Variants in PXDNL observed in about 807,000 individuals in gnomAD.
PXDNL encodes probable oxidoreductase PXDNL.
Under a neutral mutation model 150.8 loss-of-function variants are expected in PXDNL, and 145 were observed. The observed-to-expected ratio is 0.96, with a 90% CI of 0.84 to 1.10. The LOEUF (loss-of-function observed/expected upper bound fraction) is 1.10, where lower values mean the gene tolerates loss of function less well. Ranked by LOEUF, PXDNL falls within the 50% of genes least tolerant of loss-of-function variation. PXDNL has a pLI of 0.00. For missense variants in PXDNL, 2,087 were observed against 1,873.9 expected, an observed-to-expected ratio of 1.11 and a Z score of -2.10; for synonymous variants, 757 against 725.7, an observed-to-expected ratio of 1.04 and a Z score of -0.69.
rs747186397 is a variant in PXDNL at position 51,654,803 on chromosome 8, T to C, written c.165-43A>G. On this transcript the variant is annotated intron_variant, in intron 1 of 22. Transcript: ENST00000356297. The stretch of plus-strand genomic sequence containing the variant: ...TGAAGAACGATTATAATATGTTGAC[T>C]GCATTCTGCCATTATTTCCAGAAGC... The C allele has an allele frequency of 2.1e-6, 3 of 1,439,294 alleles. No individual in the cohort carries two copies. The South Asian group carries it at 3.4e-5, about 17-fold the overall frequency. The allele number at this position is 1,439,294 out of a possible 1,614,324, so 89.2% of individuals were successfully genotyped here.
intron 3 of PXDNL, among the ~76,000 whole-genome samples, chr8:51,586,525 A>G (rs76912575): frequency 1.3e-5 from 2 of 152,200 alleles, no homozygotes; most frequent in Non-Finnish European, 2.9e-5. Context: ...GATTGTCATT[A>G]AAACCCAGTG....
chr8:51,687,395 C>T (rs1409227020), intron 1 of PXDNL, among the ~76,000 whole-genome samples: 1 of 152,148 alleles, frequency 6.6e-6, no homozygotes, highest in Non-Finnish European at 1.5e-5. Context: ...AAAATTATGT[C>T]TATAGTCATT....
intron 1 of PXDNL, among the ~76,000 whole-genome samples, chr8:51,664,355 A>G (rs1815336686): frequency 6.6e-6 from 1 of 152,160 alleles, no homozygotes; most frequent in Non-Finnish European, 1.5e-5. Flanking sequence ...AAGTAATAAG[A>G]TTTAACTTTT....
chr8:51,335,064 AC>A (rs1389144299), intron 21 of PXDNL, among the ~76,000 whole-genome samples: 2 of 152,078 alleles, frequency 1.3e-5, no homozygotes, highest in African/African-American at 4.8e-5. Context: ...ATCTACATTT[AC>A]TTGTTTAATG....
At chr8:51,392,507 A>C (rs1807944046) in intron 17 of PXDNL, among the ~76,000 whole-genome samples, 1 of 152,098 alleles carries the variant, frequency 6.6e-6, no homozygotes, top group African/African-American at 2.4e-5. Flanking sequence ...AGCAATTGTG[A>C]ATGGGAGTTC....
At chr8:51,483,515 T>TCC in intron 6 of PXDNL, 128 bp downstream of exon 6, 1 of 682,458 alleles carries the variant, frequency 1.5e-6, no homozygotes, top group Non-Finnish European at 2.6e-6. Flanking sequence ...AACCATTTTC[T>TCC]CCCTAACATG....
At chr8:51,456,195 G>C (rs1345470302) in intron 9 of PXDNL, among the ~76,000 whole-genome samples, 1 of 152,064 alleles carries the variant, frequency 6.6e-6, no homozygotes, top group African/African-American at 2.4e-5. Context: ...TCAGTGTAGC[G>C]TCATGAATAC....
Position 51,570,639 on chromosome 8 carries a change from C to T in PXDNL, c.309-13728G>A, listed in dbSNP as rs140090154. ...TGAAGCATTTTTATTTTTAACAATACTACCATGGGAAGCTGTCCCCTGTCC... is the reference window on the plus strand; with the variant it reads ...TGAAGCATTTTTATTTTTAACAATATTACCATGGGAAGCTGTCCCCTGTCC... On this transcript the variant is annotated intron_variant, in intron 3 of 22. Coordinates refer to ENST00000356297, the MANE Select transcript of PXDNL (RefSeq NM_144651.5). Among the ~76,000 whole-genome samples, 20 of 152,002 alleles carry T rather than the reference C, an allele frequency of 1.3e-4. 1 individual carries two copies. Among genetic ancestry groups the T allele is most frequent in the African/African-American group, 4.8e-4 (20 of 41,512 alleles).
At chr8:51,760,119 G>A (rs2037145704) in intron 1 of PXDNL, among the ~76,000 whole-genome samples, 1 of 152,110 alleles carries the variant, frequency 6.6e-6, no homozygotes, top group South Asian at 2.1e-4. Flanking sequence ...GTTAAAACTC[G>A]GAAGTCCATC....
chr8:51,354,911 A>G (rs1806457335), intron 19 of PXDNL, among the ~76,000 whole-genome samples: 1 of 151,170 alleles, frequency 6.6e-6, no homozygotes, highest in African/African-American at 2.4e-5. Context: ...CATCTATATC[A>G]CTGAACACTC....
intron 13 of PXDNL, among the ~76,000 whole-genome samples, chr8:51,425,400 A>G (rs1809063536): frequency 6.6e-6 from 1 of 152,232 alleles, no homozygotes; most frequent in Non-Finnish European, 1.5e-5. Flanking sequence ...TAGTCTGCTG[A>G]TGTGATTACA....
chr8:51,546,004 G>A (rs1412401670), intron 4 of PXDNL, among the ~76,000 whole-genome samples: 2 of 152,230 alleles, frequency 1.3e-5, no homozygotes, highest in Non-Finnish European at 2.9e-5. Context: ...ACAGAAGACA[G>A]GACTAACATG....
At chr8:51,643,947 C>A (rs972286394) in intron 2 of PXDNL, among the ~76,000 whole-genome samples, 2 of 151,886 alleles carry the variant, frequency 1.3e-5, no homozygotes, top group Non-Finnish European at 2.9e-5. Context: ...AAATGCTCAT[C>A]ATCACTGGCC....
intron 4 of PXDNL, among the ~76,000 whole-genome samples, chr8:51,532,265 T>C (rs578041319): frequency 6.6e-6 from 1 of 152,348 alleles, no homozygotes; most frequent in East Asian, 1.9e-4. Flanking sequence ...CTGTTATTTT[T>C]CACAGTATTA....
intron 3 of PXDNL, among the ~76,000 whole-genome samples, chr8:51,564,478 C>CTAG (rs1812775116): frequency 6.6e-6 from 1 of 151,600 alleles, no homozygotes; most frequent in African/African-American, 2.4e-5. Context: ...GATAATAAGC[C>CTAG]TAGTGCTCAT....
intron 2 of PXDNL, among the ~76,000 whole-genome samples, chr8:51,639,995 C>G (rs941317505): frequency 1.3e-5 from 2 of 152,084 alleles, no homozygotes; most frequent in Non-Finnish European, 2.9e-5. Flanking sequence ...CATCAAAAAG[C>G]TTATCCACCA....
chr8:51,653,705 A>G (rs917597728), intron 2 of PXDNL, among the ~76,000 whole-genome samples: 1 of 152,212 alleles, frequency 6.6e-6, no homozygotes, highest in Non-Finnish European at 1.5e-5. Context: ...GAGAAGCACA[A>G]GTGTAAAGTT....
intron 1 of PXDNL, among the ~76,000 whole-genome samples, chr8:51,735,839 C>A (rs996394693): frequency 6.6e-6 from 1 of 152,088 alleles, no homozygotes; most frequent in Non-Finnish European, 1.5e-5. Flanking sequence ...AGCCACCGCG[C>A]CCGGCCTAAA....
chr8:51,620,710 A>AT (rs11444100), intron 2 of PXDNL, among the ~76,000 whole-genome samples: 138,606 of 151,020 alleles, frequency 0.92, 63,671 homozygotes, highest in African/African-American at 0.93. Flanking sequence ...CGCCCGGCTA[A>AT]TTTTTTTTTG....
Sources: allele counts gnomAD v4.1 joint callset (sites outside exome capture counted in the v4.1 genomes callset), GRCh38; gene constraint gnomAD v4.1.1; transcripts MANE v1.5; gene names NCBI Gene and HGNC (gene_info 2026-07-23, HGNC 2026-07-21).